Variants in SAMD4A observed in about 807,000 individuals in gnomAD.
SAMD4A encodes protein Smaug homolog 1.
In SAMD4A, 33 loss-of-function variants were observed where a neutral mutation model predicts 81.3. The observed-to-expected ratio is 0.41, with a 90% CI of 0.31 to 0.54. The LOEUF (loss-of-function observed/expected upper bound fraction) is 0.54, where lower values mean the gene tolerates loss of function less well. Among genes scored for constraint, SAMD4A ranks in the 20% least tolerant of loss-of-function variants. The pLI, the probability that SAMD4A is intolerant of heterozygous loss-of-function variation, is 0.37. For synonymous variants in SAMD4A, 389 were observed against 382.1 expected, an observed-to-expected ratio of 1.02 and a Z score of -0.21; for missense variants, 854 against 951.1, an observed-to-expected ratio of 0.90 and a Z score of 1.34.
At chr14:54,622,026 T>A (rs943105221) in intron 2 of SAMD4A, among the ~76,000 whole-genome samples, 1 of 152,248 alleles carries the variant, frequency 6.6e-6, no homozygotes, top group Non-Finnish European at 1.5e-5. Context: ...AGTATTTTGC[T>A]GATTTTTCAT....
At chr14:54,655,142 G>T (rs575485107) in intron 2 of SAMD4A, among the ~76,000 whole-genome samples, 2 of 152,256 alleles carry the variant, frequency 1.3e-5, no homozygotes, top group African/African-American at 4.8e-5. Context: ...CTCACAGGAG[G>T]CTACCCCATA....
intron 3 of SAMD4A, among the ~76,000 whole-genome samples, chr14:54,712,311 C>A (rs189190524): frequency 2.6e-5 from 4 of 152,214 alleles, no homozygotes; most frequent in Admixed American, 6.5e-5. Context: ...TCTAGCCAAC[C>A]TGGCATGTAA....
chr14:54,769,214 G>A (rs1173884609), intron 8 of SAMD4A, among the ~76,000 whole-genome samples: 1 of 152,120 alleles, frequency 6.6e-6, no homozygotes, highest in Non-Finnish European at 1.5e-5. Context: ...CAGGGCACTT[G>A]GTACAAACAC....
chr14:54,740,697 T>A (rs1268611106), intron 4 of SAMD4A, among the ~76,000 whole-genome samples: 1 of 152,174 alleles, frequency 6.6e-6, no homozygotes, highest in African/African-American at 2.4e-5. Flanking sequence ...TCTTTGCGTT[T>A]TTCCCATGCA....
At chr14:54,735,036 G>A (rs948217998) in intron 3 of SAMD4A, 5 of 152,216 alleles carry the variant, frequency 3.3e-5, no homozygotes, top group East Asian at 1.9e-4. Flanking sequence ...AGTCTGAAAC[G>A]GTTGCAGAAG....
At chr14:54,729,046 A>G (rs1236754918) in intron 3 of SAMD4A, among the ~76,000 whole-genome samples, 2 of 152,048 alleles carry the variant, frequency 1.3e-5, no homozygotes, top group African/African-American at 4.8e-5. Context: ...CAAGCAATTG[A>G]CTCACTGCTC....
chr14:54,678,739 G>T (rs1185818424), intron 2 of SAMD4A, among the ~76,000 whole-genome samples: 1 of 151,928 alleles, frequency 6.6e-6, no homozygotes, highest in Non-Finnish European at 1.5e-5. Flanking sequence ...TAGTAGAGAC[G>T]GGGTTTCACC....
chr14:54,752,759 C>T (rs1031875032), intron 6 of SAMD4A, among the ~76,000 whole-genome samples: 6 of 152,120 alleles, frequency 3.9e-5, no homozygotes, highest in South Asian at 4.1e-4. Flanking sequence ...GCACCGGCAC[C>T]GGTCTCTGAG....
chr14:54,781,968 T>A (rs1347876164), intron 11 of SAMD4A, among the ~76,000 whole-genome samples: 2 of 152,198 alleles, frequency 1.3e-5, no homozygotes, highest in African/African-American at 4.8e-5. Context: ...TCCCAAGACT[T>A]AGAATTTTTC....
At chr14:54,644,667 T>C (rs911069710) in intron 2 of SAMD4A, among the ~76,000 whole-genome samples, 1 of 152,218 alleles carries the variant, frequency 6.6e-6, no homozygotes, top group Non-Finnish European at 1.5e-5. Context: ...TTAATTCTAG[T>C]GTTCAGCTTT....
At chr14:54,781,391 C>A (rs905887205) in intron 11 of SAMD4A, among the ~76,000 whole-genome samples, 2 of 152,212 alleles carry the variant, frequency 1.3e-5, no homozygotes, top group Non-Finnish European at 2.9e-5. Flanking sequence ...CATTCTCTTC[C>A]GGAATCTTCT....
chr14:54,693,872 G>C (rs1187960705), intron 2 of SAMD4A: 1 of 152,342 alleles, frequency 6.6e-6, no homozygotes, highest in Non-Finnish European at 1.5e-5. Flanking sequence ...TAAGGTGAGA[G>C]AGTGGGGTGG....
intron 2 of SAMD4A, among the ~76,000 whole-genome samples, chr14:54,623,093 C>T (rs930231358): frequency 3.3e-5 from 5 of 152,180 alleles, no homozygotes; most frequent in Non-Finnish European, 5.9e-5. Flanking sequence ...CCAGCCCTGC[C>T]GGGGCTTGTG....
intron 3 of SAMD4A, among the ~76,000 whole-genome samples, chr14:54,723,659 G>A (rs1269618527): frequency 6.6e-6 from 1 of 152,198 alleles, no homozygotes; most frequent in Non-Finnish European, 1.5e-5. Context: ...ACTGCCTTGC[G>A]GCTTCTAGCT....
intron 2 of SAMD4A, among the ~76,000 whole-genome samples, chr14:54,662,658 A>G (rs1352931651): frequency 6.6e-6 from 1 of 151,642 alleles, no homozygotes; most frequent in Non-Finnish European, 1.5e-5. Context: ...CAAGTGATCT[A>G]CTTGCCTCCG....
At chr14:54,775,650 A>G (rs1031377969) in intron 10 of SAMD4A, among the ~76,000 whole-genome samples, 2 of 152,048 alleles carry the variant, frequency 1.3e-5, no homozygotes, top group Non-Finnish European at 2.9e-5. Flanking sequence ...CCCGTCGCTC[A>G]TACCCCTCTA....
intron 7 of SAMD4A, among the ~76,000 whole-genome samples, chr14:54,764,056 G>A (rs948810284): frequency 7.9e-5 from 12 of 152,168 alleles, no homozygotes; most frequent in South Asian, 2.1e-4. Flanking sequence ...AGGGGTGTGC[G>A]CTCATTCATA....
intron 11 of SAMD4A, among the ~76,000 whole-genome samples, chr14:54,778,024 A>C (rs1048665704): frequency 6.6e-6 from 1 of 152,188 alleles, no homozygotes; most frequent in African/African-American, 2.4e-5. Flanking sequence ...CCAATAAAAA[A>C]GAATCTGGAC....
chr14:54,655,521 C>T (rs1262390360), intron 2 of SAMD4A, among the ~76,000 whole-genome samples: 2 of 151,742 alleles, frequency 1.3e-5, no homozygotes, highest in Non-Finnish European at 2.9e-5. Flanking sequence ...CACCTGAGGT[C>T]GGGAGTTCGA....
Sources: gnomAD v4.1 joint callset for allele counts (sites outside exome capture counted in the v4.1 genomes callset) on GRCh38, gnomAD v4.1.1 for gene constraint, MANE v1.5 for transcripts, NCBI Gene and HGNC (gene_info 2026-07-23, HGNC 2026-07-21) for gene names.